The following ARMH3 variants were observed in gnomAD, a reference collection of about 807,000 sequenced individuals.
The protein encoded by ARMH3 is armadillo-like helical domain-containing protein 3.
In ARMH3, 60 loss-of-function variants were observed where a neutral mutation model predicts 99.1. The ratio of observed to expected loss-of-function variants is 0.61; its 90% CI spans 0.49 to 0.75. The LOEUF is 0.75. Among genes scored for constraint, ARMH3 ranks in the 30% least tolerant of loss-of-function variants. The pLI, the probability that ARMH3 is intolerant of heterozygous loss-of-function variation, is 0.00. For synonymous variants in ARMH3, 285 were observed against 292.8 expected (o/e 0.97, Z 0.27); for missense variants, 679 against 843.1 (o/e 0.81, Z 2.41).
At chr10:102,016,714 A>G (rs1435317070) in intron 8 of ARMH3, among the ~76,000 whole-genome samples, 2 of 152,224 alleles carry the variant, frequency 1.3e-5, no homozygotes, top group Non-Finnish European at 2.9e-5. Flanking sequence ...TATTTAAACT[A>G]TACCACTGTT....
At chr10:101,848,622 G>T in intron 25 of ARMH3, among the ~76,000 whole-genome samples, 1 of 152,174 alleles carries the variant, frequency 6.6e-6, no homozygotes, top group East Asian at 1.9e-4. Context: ...ATGGCAAACA[G>T]CAGGAAACTT....
chr10:102,055,430 A>AG (rs1446847338), intron 1 of ARMH3, among the ~76,000 whole-genome samples: 3 of 152,212 alleles, frequency 2.0e-5, no homozygotes, highest in Non-Finnish European at 4.4e-5. Context: ...CCCATTCGCC[A>AG]GGGGCAGCAC....
intron 22 of ARMH3, among the ~76,000 whole-genome samples, chr10:101,944,908 G>A (rs1361045179): frequency 6.6e-6 from 1 of 152,108 alleles, no homozygotes; most frequent in Non-Finnish European, 1.5e-5. Flanking sequence ...ATGTAAGCCA[G>A]CAAATAATCA....
chr10:101,865,645 C>T (rs1203203419), intron 24 of ARMH3, among the ~76,000 whole-genome samples: 2 of 152,048 alleles, frequency 1.3e-5, no homozygotes, highest in Non-Finnish European at 2.9e-5. Context: ...TGAACCACCA[C>T]TCCAGGCTAA....
intron 4 of ARMH3, among the ~76,000 whole-genome samples, chr10:102,030,282 C>T (rs1273723563): frequency 6.6e-6 from 1 of 152,130 alleles, no homozygotes; most frequent in Non-Finnish European, 1.5e-5. Context: ...ACTGAGACTG[C>T]TGTCATCCTC....
chr10:102,029,542 G>A, intron 5 of ARMH3, 96 bp downstream of exon 5: 1 of 1,611,590 alleles, frequency 6.2e-7, no homozygotes, highest in Non-Finnish European at 8.5e-7. Flanking sequence ...GTATCTTTCT[G>A]AGTCCAAATC....
intron 22 of ARMH3, among the ~76,000 whole-genome samples, chr10:101,954,910 C>A (rs1439630709): frequency 6.6e-6 from 1 of 152,106 alleles, no homozygotes; most frequent in Admixed American, 6.6e-5. Context: ...TCTCATTTGA[C>A]TAGTTACATA....
chr10:101,971,095 CAAAAAAAA>C (rs71472590), intron 20 of ARMH3, among the ~76,000 whole-genome samples: 1 of 33,284 alleles, frequency 3.0e-5, no homozygotes, highest in African/African-American at 1.3e-4. Flanking sequence ...AGACCGTCTC[CAAAAAAAA>C]AAAAAAAAAA....
At chr10:101,989,508 G>C (rs1357719757) in intron 19 of ARMH3, among the ~76,000 whole-genome samples, 1 of 152,112 alleles carries the variant, frequency 6.6e-6, no homozygotes, top group Non-Finnish European at 1.5e-5. Flanking sequence ...ATCACCTGAA[G>C]TCAGGAGTTA....
chr10:101,990,012 T>G (rs1846705249), intron 19 of ARMH3, among the ~76,000 whole-genome samples: 1 of 152,226 alleles, frequency 6.6e-6, no homozygotes, highest in African/African-American at 2.4e-5. Flanking sequence ...TCCCTCTTCA[T>G]GCAGTGTGCC....
At chr10:101,943,584 T>A (rs1287493842) in intron 22 of ARMH3, among the ~76,000 whole-genome samples, 2 of 151,846 alleles carry the variant, frequency 1.3e-5, no homozygotes, top group African/African-American at 4.8e-5. Flanking sequence ...AAATCCAGCA[T>A]CCACATCATA....
chr10:102,021,359 C>T (rs998813966), intron 8 of ARMH3, among the ~76,000 whole-genome samples: 6 of 151,008 alleles, frequency 4.0e-5, no homozygotes, highest in African/African-American at 1.2e-4. Context: ...AGATTACAGG[C>T]GTAAGCTACC....
intron 4 of ARMH3, among the ~76,000 whole-genome samples, chr10:102,031,033 C>G (rs954167537): frequency 2.0e-5 from 3 of 152,096 alleles, no homozygotes; most frequent in Middle Eastern, 3.4e-3. Context: ...ATCTGCCCCC[C>G]TCAGCCTCCC....
intron 24 of ARMH3, among the ~76,000 whole-genome samples, chr10:101,879,939 C>T (rs1447086370): frequency 6.6e-6 from 1 of 152,156 alleles, no homozygotes; most frequent in Admixed American, 6.5e-5. Flanking sequence ...CACCTCATCC[C>T]CACTTCTGAC....
intron 20 of ARMH3, among the ~76,000 whole-genome samples, chr10:101,966,240 G>C (rs1284329128): frequency 1.3e-5 from 2 of 149,020 alleles, no homozygotes; most frequent in East Asian, 3.9e-4. Flanking sequence ...TGAGTAGCTG[G>C]GATTACAGGC....
rs540746204 is a variant in ARMH3 at position 101,979,231 on chromosome 10, C to G, written c.1407-3931G>C. Among the ~76,000 whole-genome samples, 4 of 152,170 alleles carry G rather than the reference C, an allele frequency of 2.6e-5. No homozygotes were observed. In the East Asian group the frequency reaches 7.7e-4, roughly 29 times the overall value. ...CTAATACCCAAAAAGTCTAAACAAC[C>G]CAAATGTCTATCAATTAGTGAATGA... is the stretch of plus-strand genomic sequence containing the variant. On this transcript the variant is annotated intron_variant, in intron 19 of 25. Transcript: ENST00000370033.
intron 1 of ARMH3, among the ~76,000 whole-genome samples, chr10:102,042,388 C>G (rs2067444903): frequency 6.6e-6 from 1 of 152,190 alleles, no homozygotes. Flanking sequence ...TAATCAATGT[C>G]CACCCCAAAT....
intron 22 of ARMH3, among the ~76,000 whole-genome samples, chr10:101,943,645 A>C (rs985666822): frequency 2.6e-5 from 4 of 152,220 alleles, no homozygotes; most frequent in Admixed American, 2.0e-4. Context: ...GCATGCAAAG[A>C]AACAAAAACA....
chr10:101,913,696 C>T (rs1423318065), intron 23 of ARMH3, among the ~76,000 whole-genome samples: 1 of 152,130 alleles, frequency 6.6e-6, no homozygotes, highest in Non-Finnish European at 1.5e-5. Flanking sequence ...CCAAAGGCTC[C>T]CAGACTTTAG....
Sources: allele counts gnomAD v4.1 joint callset (sites outside exome capture counted in the v4.1 genomes callset), GRCh38; gene constraint gnomAD v4.1.1; transcripts MANE v1.5; gene names NCBI Gene and HGNC (gene_info 2026-07-23, HGNC 2026-07-21).